SDHAF2: variants seen among roughly 807,000 people sequenced by gnomAD.
SDHAF2 encodes succinate dehydrogenase assembly factor 2, mitochondrial.
Under a neutral mutation model 18.5 loss-of-function variants are expected in SDHAF2, and 21 were observed. The ratio of observed to expected loss-of-function variants is 1.13; its 90% CI spans 0.80 to 1.63. The LOEUF (loss-of-function observed/expected upper bound fraction) is 1.63. Among genes scored for constraint, SDHAF2 ranks in the 40% most tolerant of loss-of-function variants. SDHAF2 has a pLI of 0.00. For synonymous variants in SDHAF2, 84 were observed against 70.7 expected (o/e 1.19, Z -0.94); for missense variants, 195 against 200.3 (o/e 0.97, Z 0.16).
In SDHAF2 at chr11:61,437,748, C is replaced by G; in HGVS notation, c.160C>G (p.Pro54Ala). Residue 54 changes from proline (P) to alanine (A), a missense_variant, in exon 2 of 4, where the codon CCA (proline) becomes GCA (alanine). By Grantham distance (27) the Pro-to-Ala change is conservative (BLOSUM62 -1). Coordinates refer to ENST00000301761, the MANE Select transcript of SDHAF2 (RefSeq NM_017841.4). ...QKDMIEIPLPPWQERTDESIE... is the reference protein window; with the variant it reads ...QKDMIEIPLPAWQERTDESIE... ...GGACATGATTGAAATCCCTTTGCCT[C>G]CATGGCAGGAGAGAACTGATGAATC... The G allele has an allele frequency of 6.2e-7, 1 of 1,614,166 alleles. No individual in the cohort carries two copies. The highest frequency in any genetic ancestry group is 8.5e-7 in the Non-Finnish European group (1 of 1,180,002).
At chr11:61,436,252 A>G (rs1395064398) in intron 1 of SDHAF2, 1 of 153,948 alleles carries the variant, frequency 6.5e-6, no homozygotes, top group Non-Finnish European at 1.4e-5. Flanking sequence ...CCACCCAGGC[A>G]TTTAGAGTGT....
At chr11:61,441,026 CT>C (rs1216954722) in intron 3 of SDHAF2, among the ~76,000 whole-genome samples, 2 of 152,072 alleles carry the variant, frequency 1.3e-5, no homozygotes, top group Admixed American at 6.6e-5. Context: ...CATAGACCCC[CT>C]ATCTCCAAAA....
chr11:61,439,429 G>C (rs1225035679), intron 3 of SDHAF2, among the ~76,000 whole-genome samples: 1 of 152,160 alleles, frequency 6.6e-6, no homozygotes, highest in Admixed American at 6.5e-5. Flanking sequence ...TTAGTTACTT[G>C]GCTACGTCTA....
intron 1 of SDHAF2, 94 bp downstream of exon 1, chr11:61,430,276 C>T (rs1365002166): frequency 6.5e-7 from 1 of 1,533,412 alleles, no homozygotes; most frequent in Non-Finnish European, 9.0e-7. Context: ...GAGAGTTCGT[C>T]TGCCCGATAG....
In SDHAF2 at chr11:61,445,945, T is replaced by C. The variant is rs1233830025; in HGVS notation, c.375T>C (p.Ala125=). Residue 125 remains alanine, a synonymous_variant, in exon 4 of 4, where the codon GCT becomes GCC. Coordinates refer to ENST00000301761, the MANE Select transcript of SDHAF2 (RefSeq NM_017841.4). ...DWDIYYWATE[A]KPAPEIFENE... ...CTGCCCACTCTTCTCTTGCAGAAGC[T>C]AAACCAGCCCCAGAAATATTTGAAA... The C allele has an allele frequency of 1.2e-6, 2 of 1,614,198 alleles. No homozygotes were observed. The highest frequency in any genetic ancestry group is 2.7e-5 in the African/African-American group (2 of 75,058).
In SDHAF2 at chr11:61,446,452, A is replaced by C; in HGVS notation, c.*381A>C. 1.9e-6 allele frequency: 1 copy of C among 538,888 alleles called. No individual in the cohort carries two copies. Among genetic ancestry groups the C allele is most frequent in the Non-Finnish European group, 3.3e-6 (1 of 306,690 alleles). 33.4% of individuals were successfully genotyped at this position (538,888 alleles called of 1,614,324 possible). On this transcript the variant is annotated 3_prime_UTR_variant, in exon 4 of 4. Transcript: ENST00000301761. ...CAGCCAGCTGTGCGTGCTGTATGGA[A>C]AGCCTCCCGCCCTCCCTGCAGCTCC... is the stretch of plus-strand genomic sequence containing the variant.
At chr11:61,440,244 G>T (rs1437771242) in intron 3 of SDHAF2, among the ~76,000 whole-genome samples, 2 of 152,198 alleles carry the variant, frequency 1.3e-5, no homozygotes, top group Non-Finnish European at 2.9e-5. Flanking sequence ...GGCAGAGGTT[G>T]CAGTGAGCCA....
intron 3 of SDHAF2, among the ~76,000 whole-genome samples, chr11:61,445,643 A>G (rs1365414929): frequency 1.3e-5 from 2 of 152,200 alleles, no homozygotes; most frequent in South Asian, 2.1e-4. Context: ...TAAGTATTTT[A>G]CTTGTAGTCA....
intron 3 of SDHAF2, 51 bp from the exon 4 acceptor site, chr11:61,445,890 G>C (rs575605088): frequency 6.2e-7 from 1 of 1,608,542 alleles, no homozygotes; most frequent in East Asian, 2.2e-5. Context: ...TCTCATACCT[G>C]AGCATTGACT....
At chr11:61,439,175 C>T (rs544429849) in intron 3 of SDHAF2, among the ~76,000 whole-genome samples, 1 of 152,296 alleles carries the variant, frequency 6.6e-6, no homozygotes, top group Admixed American at 6.5e-5. Flanking sequence ...GTAGAACTGT[C>T]TTTCTCATGA....
Position 61,437,634 on chromosome 11 carries a change from C to G in SDHAF2, c.46C>G (p.Leu16Val), listed in dbSNP as rs1312422519. The G allele has an allele frequency of 6.2e-6, 10 of 1,613,902 alleles. No individual in the cohort carries two copies. The highest frequency in any genetic ancestry group is 8.5e-6 in the Non-Finnish European group (10 of 1,179,754). Residue 16 changes from leucine to valine, a missense_variant, in exon 2 of 4, where the codon CTG becomes GTG. By Grantham distance (32) the Leu-to-Val change is conservative (BLOSUM62 1). Coordinates refer to ENST00000301761, the MANE Select transcript of SDHAF2 (RefSeq NM_017841.4). ...GGTTTGTTCATTTCAGATGCTTGCT[C>G]TGTCAAGGCACAGCCTATTGTCTCC... Reference protein sequence around the residue: ...VFSTSSLMLALSRHSLLSPLL... With the variant: ...VFSTSSLMLAVSRHSLLSPLL...
At chr11:61,430,450 G>A in intron 1 of SDHAF2, 1 of 545,400 alleles carries the variant, frequency 1.8e-6, no homozygotes, top group Non-Finnish European at 3.2e-6. Context: ...GTCCCAGGCG[G>A]GATTAGCCCA....
At chr11:61,443,004 C>A (rs776385399) in intron 3 of SDHAF2, among the ~76,000 whole-genome samples, 4 of 152,250 alleles carry the variant, frequency 2.6e-5, no homozygotes, top group Non-Finnish European at 5.9e-5. Flanking sequence ...ATCCGTCTGC[C>A]TCAGTCCCTT....
chr11:61,434,979 C>G (rs1034298714), intron 1 of SDHAF2: 2 of 152,114 alleles, frequency 1.3e-5, no homozygotes, highest in African/African-American at 4.8e-5. Context: ...GATCCACTCG[C>G]CTTGGCCTCC....
chr11:61,430,304 C>T, intron 1 of SDHAF2, 122 bp downstream of exon 1: 1 of 1,288,910 alleles, frequency 7.8e-7, no homozygotes, highest in African/African-American at 1.4e-5. Context: ...CAAGGGCAGG[C>T]CCAGGGAGAG....
At chr11:61,442,439 G>C (rs12285794) in intron 3 of SDHAF2, among the ~76,000 whole-genome samples, 18,443 of 152,090 alleles carry the variant, frequency 0.12, 3,622 homozygotes, top group African/African-American at 0.41. Flanking sequence ...GAGGTCTGCT[G>C]TATCTTTGTT....
chr11:61,444,876 T>G (rs1862119437), intron 3 of SDHAF2, among the ~76,000 whole-genome samples: 1 of 152,246 alleles, frequency 6.6e-6, no homozygotes, highest in African/African-American at 2.4e-5. Flanking sequence ...CTCTTTTTCC[T>G]TAGGTTTCGT....
chr11:61,438,154 G>C, intron 3 of SDHAF2, 41 bp downstream of exon 3: 3 of 1,425,200 alleles, frequency 2.1e-6, no homozygotes, highest in South Asian at 1.1e-5. Flanking sequence ...AAATAGGACA[G>C]TTTAGGCTGA....
chr11:61,434,670 G>A (rs983875243), intron 1 of SDHAF2: 35 of 142,460 alleles, frequency 2.5e-4, no homozygotes, highest in African/African-American at 8.9e-4. Flanking sequence ...TCTTTCTGCT[G>A]CTTGATCAGG....
Sources: gnomAD v4.1 joint callset for allele counts (sites outside exome capture counted in the v4.1 genomes callset) on GRCh38, gnomAD v4.1.1 for gene constraint, MANE v1.5 for transcripts, NCBI Gene and HGNC (gene_info 2026-07-23, HGNC 2026-07-21) for gene names.